Variants in IL7 observed in about 807,000 individuals in gnomAD.
IL7 encodes the protein interleukin 7, also known as interleukin-7.
IL7 carries 3 observed loss-of-function variants against 21.6 expected under a neutral mutation model. That is an observed-to-expected ratio of 0.14 (90% CI 0.06 to 0.36). The LOEUF is 0.36. Ranked by LOEUF, IL7 falls within the 10% of genes least tolerant of loss-of-function variation. The pLI is 1.00. For missense variants in IL7, 175 were observed against 200.2 expected (o/e 0.87, Z 0.76); for synonymous variants, 62 against 68.1 (o/e 0.91, Z 0.44).
At chr8:78,761,830 A>G (rs1812570689) in intron 2 of IL7, 3 of 1,612,042 alleles carry the variant, frequency 1.9e-6, no homozygotes, top group Non-Finnish European at 2.5e-6. Context: ...CCTGAAAGTT[A>G]TCTGGAGTAA....
At chr8:78,783,439 A>G (rs1813408704) in intron 2 of IL7, among the ~76,000 whole-genome samples, 1 of 151,738 alleles carries the variant, frequency 6.6e-6, no homozygotes, top group African/African-American at 2.4e-5. Context: ...AGTCCAAATG[A>G]GAGAACCTGG....
intron 4 of IL7, 68 bp downstream of exon 4, chr8:78,738,436 G>A (rs2130682821): frequency 7.9e-7 from 1 of 1,272,934 alleles, no homozygotes; most frequent in African/African-American, 1.5e-5. Context: ...GTGATCATCA[G>A]AGAATAGTGG....
chr8:78,777,921 G>A (rs72661375), intron 2 of IL7, among the ~76,000 whole-genome samples: 9,757 of 151,876 alleles, frequency 0.064, 339 homozygotes, highest in Middle Eastern at 0.092. Flanking sequence ...CACATTCTTC[G>A]GCCTGGTATG....
intron 2 of IL7, among the ~76,000 whole-genome samples, chr8:78,749,973 G>A (rs1812111074): frequency 6.6e-6 from 1 of 152,084 alleles, no homozygotes; most frequent in African/African-American, 2.4e-5. Context: ...GGTCAAGGCT[G>A]CAGTGAGCCA....
chr8:78,740,497 A>C (rs1811740558), intron 2 of IL7, among the ~76,000 whole-genome samples: 1 of 152,246 alleles, frequency 6.6e-6, no homozygotes. Context: ...AATTTATATT[A>C]GAATGAAGGG....
chr8:78,792,139 T>C (rs1813717841), intron 2 of IL7, among the ~76,000 whole-genome samples: 1 of 152,078 alleles, frequency 6.6e-6, no homozygotes, highest in Non-Finnish European at 1.5e-5. Context: ...ACCCATACAT[T>C]TGAGTTCAAT....
At chr8:78,678,724 A>G (rs764944686) in intron 4 of IL7, 3 of 1,332,728 alleles carry the variant, frequency 2.3e-6, no homozygotes, top group African/African-American at 3.0e-5. Context: ...GGTGTTATGT[A>G]TGTTGAAAAA....
chr8:78,762,424 T>C, intron 2 of IL7: 1 of 1,599,656 alleles, frequency 6.3e-7, no homozygotes, highest in South Asian at 1.1e-5. Context: ...AGCGCAGAAG[T>C]TCGGCATCGT....
At chr8:78,686,489 C>A in intron 3 of IL7, 1 of 1,524,312 alleles carries the variant, frequency 6.6e-7, no homozygotes. Context: ...AAGAAACCAT[C>A]TAATTGGAGA....
chr8:78,766,048 T>C (rs1023327908), intron 2 of IL7, among the ~76,000 whole-genome samples: 1 of 152,088 alleles, frequency 6.6e-6, no homozygotes, highest in African/African-American at 2.4e-5. Context: ...CTTAAATGCA[T>C]ATTATTAAGT....
chr8:78,791,136 C>T (rs1462795435), intron 2 of IL7, among the ~76,000 whole-genome samples: 1 of 152,066 alleles, frequency 6.6e-6, no homozygotes, highest in Non-Finnish European at 1.5e-5. Flanking sequence ...CTTTCTTCTC[C>T]AAGTATCACT....
chr8:78,678,497 T>C, intron 4 of IL7: 1 of 1,253,662 alleles, frequency 8.0e-7, no homozygotes, highest in East Asian at 2.4e-5. Flanking sequence ...TCAATGTAAA[T>C]AAAGTTCTGT....
intron 3 of IL7, among the ~76,000 whole-genome samples, chr8:78,726,890 C>G (rs1282841170): frequency 1.3e-5 from 2 of 151,920 alleles, no homozygotes; most frequent in East Asian, 1.9e-4. Context: ...CCCTAATGTT[C>G]ATAAATTTGC....
At chr8:78,762,579 C>A (rs988941274) in intron 2 of IL7, 1 of 377,102 alleles carries the variant, frequency 2.7e-6, no homozygotes, top group African/African-American at 2.1e-5. Context: ...GGCTAGAAGC[C>A]GCCGGGTTCT....
At chr8:78,702,830 G>A (rs1161357879) in intron 3 of IL7, among the ~76,000 whole-genome samples, 3 of 152,068 alleles carry the variant, frequency 2.0e-5, no homozygotes. Context: ...GAGAATATTT[G>A]TTATGATTTC....
intron 3 of IL7, among the ~76,000 whole-genome samples, chr8:78,705,806 C>A (rs1477435325): frequency 6.6e-6 from 1 of 152,080 alleles, no homozygotes; most frequent in Non-Finnish European, 1.5e-5. Flanking sequence ...TTGGGAGGTT[C>A]TTTCCAGTGA....
chr8:78,801,577 C>G (rs1366483602), intron 1 of IL7, among the ~76,000 whole-genome samples: 1 of 152,118 alleles, frequency 6.6e-6, no homozygotes. Context: ...GCTGAGTAGT[C>G]AAGTCAAAAC....
At chr8:78,798,257 A>G (rs1332216300) in intron 1 of IL7, 49 bp from the exon 2 acceptor site, 11 of 1,392,534 alleles carry the variant, frequency 7.9e-6, no homozygotes, top group Non-Finnish European at 1.1e-5. Flanking sequence ...ATCGTATTGC[A>G]TTTGATTGTG....
intron 2 of IL7, among the ~76,000 whole-genome samples, chr8:78,748,198 A>G (rs1157492650): frequency 6.6e-6 from 1 of 152,242 alleles, no homozygotes; most frequent in Non-Finnish European, 1.5e-5. Flanking sequence ...ATGTATTTGT[A>G]CTTACAAACA....
Sources: gnomAD v4.1 joint callset for allele counts (sites outside exome capture counted in the v4.1 genomes callset) on GRCh38, gnomAD v4.1.1 for gene constraint, MANE v1.5 for transcripts, NCBI Gene and HGNC (gene_info 2026-07-23, HGNC 2026-07-21) for gene names.